Variants in PLXDC1 observed in about 807,000 individuals in gnomAD.
PLXDC1 encodes the protein plexin domain-containing protein 1.
In PLXDC1, 39 loss-of-function variants were observed where a neutral mutation model predicts 61.3. The ratio of observed to expected loss-of-function variants is 0.64; its 90% confidence interval spans 0.49 to 0.83. PLXDC1 has a LOEUF of 0.83. PLXDC1 is among the 40% of genes least tolerant of loss of function. PLXDC1 has a pLI of 0.00. For missense variants in PLXDC1, 596 were observed against 666.5 expected (o/e 0.89, Z 1.17); for synonymous variants, 212 against 254.5 (o/e 0.83, Z 1.59).
chr17:39,108,890 C>G lies in PLXDC1; in HGVS notation c.469+14G>C. 1.2e-6 allele frequency: 2 copies of G among 1,605,996 alleles called. No homozygotes were observed. Among genetic ancestry groups the G allele is most frequent in the Non-Finnish European group, 1.7e-6 (2 of 1,173,570 alleles). ...TCTCCAGACTCTCCCCGGGGCCCCA[C>G]GACGTGGCCTTACCTCCAGTTGCTA... On this transcript the variant is annotated intron_variant, in intron 4 of 13. Transcript: ENST00000315392.
At chr17:39,088,995 AAG>A (rs1909852877) in intron 7 of PLXDC1, among the ~76,000 whole-genome samples, 1 of 142,396 alleles carries the variant, frequency 7.0e-6, no homozygotes, top group South Asian at 2.3e-4. Flanking sequence ...GAAAGAAAGA[AAG>A]AGAAAAAGAA....
rs2143297945 is a variant in PLXDC1, at chr17:39,075,729, G to A, written c.1186+2184C>T. On this transcript the variant is annotated intron_variant, in intron 11 of 13. Coordinates refer to ENST00000315392, the MANE Select transcript of PLXDC1 (RefSeq NM_020405.5). ...CATTCTCCTCCACAACCTCCCCCCA[G>A]CCAGGTCCATGGGTCACTGACTTTG... 2.6e-5 allele frequency among the ~76,000 whole-genome samples: 4 copies of A among 152,284 alleles called. No homozygotes were observed. The South Asian group carries it at 8.3e-4, about 32-fold the overall frequency.
chr17:39,108,895 T>A lies in PLXDC1; in HGVS notation c.469+9A>T. 6.2e-7 allele frequency: 1 copy of A among 1,609,452 alleles called. No individual in the cohort carries two copies. The highest frequency in any genetic ancestry group is 8.5e-7 in the Non-Finnish European group (1 of 1,176,384). ...AGACTCTCCCCGGGGCCCCACGACG[T>A]GGCCTTACCTCCAGTTGCTATGGTG... On this transcript the variant is annotated intron_variant, in intron 4 of 13. Coordinates refer to ENST00000315392, the MANE Select transcript of PLXDC1 (RefSeq NM_020405.5).
chr17:39,107,213 A>C (rs1258822216), intron 6 of PLXDC1, among the ~76,000 whole-genome samples, 194 bp downstream of exon 6: 1 of 152,096 alleles, frequency 6.6e-6, no homozygotes, highest in Non-Finnish European at 1.5e-5. Flanking sequence ...GTGATTCTAC[A>C]TTTGTCCCTG....
In PLXDC1 at chr17:39,106,647, TC is replaced by T. The variant is rs1458905447; in HGVS notation, c.712-695del. ...TGCCTTCTTTTTTCTTTTTTCTTTT[TC>T]TTTCTTTTTTTTTTTTTTTGAGACA... On this transcript the variant is annotated intron_variant, in intron 6 of 13. Coordinates refer to ENST00000315392, the MANE Select transcript of PLXDC1 (RefSeq NM_020405.5). 3.9e-5 allele frequency among the ~76,000 whole-genome samples: 5 copies of T among 128,734 alleles called. No homozygotes were observed. In the East Asian group the frequency reaches 8.4e-4, roughly 22 times the overall value. 84.5% of individuals were successfully genotyped at this position (128,734 alleles called of 152,430 possible). A position where few individuals can be genotyped will look rare whatever the true frequency, so the allele number is the denominator to read the frequency against.
At chr17:39,069,011 C>T (rs936012742) in intron 13 of PLXDC1, among the ~76,000 whole-genome samples, 1 of 152,244 alleles carries the variant, frequency 6.6e-6, no homozygotes, top group Non-Finnish European at 1.5e-5. Flanking sequence ...TGCTGCCCCT[C>T]AGGCTGGCTC....
chr17:39,093,223 C>T (rs1910021183), intron 7 of PLXDC1, among the ~76,000 whole-genome samples: 1 of 151,994 alleles, frequency 6.6e-6, no homozygotes, highest in Non-Finnish European at 1.5e-5. Flanking sequence ...ACCAAAGGCT[C>T]ATGCCCTGGT....
chr17:39,133,447 C>T (rs1184772483), intron 2 of PLXDC1, among the ~76,000 whole-genome samples: 3 of 152,150 alleles, frequency 2.0e-5, no homozygotes, highest in Admixed American at 2.0e-4. Context: ...GGGACAATCA[C>T]ACCAGGCAGA....
At chr17:39,084,352 T>C (rs965870320) in intron 8 of PLXDC1, among the ~76,000 whole-genome samples, 3 of 152,216 alleles carry the variant, frequency 2.0e-5, no homozygotes, top group Non-Finnish European at 4.4e-5. Context: ...ACAAAAAATC[T>C]AAGGGAACTG....
chr17:39,089,946 C>T (rs1909886461), intron 7 of PLXDC1, among the ~76,000 whole-genome samples: 1 of 152,058 alleles, frequency 6.6e-6, no homozygotes, highest in Non-Finnish European at 1.5e-5. Context: ...TACAGGTGCC[C>T]ACCACCACAC....
intron 7 of PLXDC1, among the ~76,000 whole-genome samples, chr17:39,100,287 G>A (rs1455981498): frequency 6.6e-6 from 1 of 152,074 alleles, no homozygotes; most frequent in Non-Finnish European, 1.5e-5. Context: ...CAGTGAAATC[G>A]TGAGTGAGTG....
Position 39,070,001 on chromosome 17 carries a change from A to G in PLXDC1, c.1238T>C (p.Leu413Pro), listed in dbSNP as rs1567751807. The change falls in exon 13 of 14, where the codon CTG (leucine) becomes CCG (proline). Residue 413 changes from leucine to proline, a missense_variant. Coordinates refer to ENST00000315392, the MANE Select transcript of PLXDC1 (RefSeq NM_020405.5). Reference sequence around the variant, plus strand: ...AGGAGTGCCCTTTGTCTTGGGGGACAGGTTGTTCTGAAGGCCTGTGGAGAG... The same window carrying G: ...AGGAGTGCCCTTTGTCTTGGGGGACGGGTTGTTCTGAAGGCCTGTGGAGAG... ...YAGGDGLQNN[L>P]SPKTKGTPVH... is the part of the protein sequence containing the mutation. 5 of 1,613,922 alleles carry G rather than the reference A, an allele frequency of 3.1e-6. No homozygotes were observed. The highest frequency in any genetic ancestry group is 1.7e-4 in the Middle Eastern group (1 of 6,058).
rs556537273 is a variant in PLXDC1, at chr17:39,067,653, T to G, written c.*187A>C. 3.7e-6 allele frequency: 2 copies of G among 541,466 alleles called. No homozygotes were observed. The highest frequency in any genetic ancestry group is 3.7e-5 in the African/African-American group (2 of 53,560). The allele number at this position is 541,466 out of a possible 1,614,324, so 33.5% of individuals were successfully genotyped here. On this transcript the variant is annotated 3_prime_UTR_variant, in exon 14 of 14. Transcript: ENST00000315392. The stretch of plus-strand genomic sequence containing the variant: ...TGTTCCTATAAAAAATCCATGTGGT[T>G]GTTTTTTGGCCCCCTCTTCAATATT...
chr17:39,072,411 G>A lies in PLXDC1; in HGVS notation c.1222+39C>T, dbSNP rs573611122. 106 of 1,484,202 alleles carry A rather than the reference G, an allele frequency of 7.1e-5. 1 individual carries two copies. Among genetic ancestry groups the A allele is most frequent in the Admixed American group, 3.9e-4 (20 of 51,000 alleles). The allele number at this position is 1,484,202 out of a possible 1,614,324, so 91.9% of individuals were successfully genotyped here. A position where few individuals can be genotyped will look rare whatever the true frequency, so the allele number is the denominator to read the frequency against. ...CTCTTCTGGGGTGGGTCCAAGAGGC[G>A]CTGGGTCTGACGCTGAGGGCAGGCA... On this transcript the variant is annotated intron_variant, in intron 12 of 13. Transcript: ENST00000315392.
intron 2 of PLXDC1, 31 bp downstream of exon 2, chr17:39,139,623 C>G: frequency 6.7e-7 from 1 of 1,494,662 alleles, no homozygotes; most frequent in South Asian, 1.2e-5. Flanking sequence ...ACCCCCACTT[C>G]GCTCCCCCTC....
chr17:39,123,619 G>A (rs1410906295), intron 2 of PLXDC1, among the ~76,000 whole-genome samples: 2 of 152,170 alleles, frequency 1.3e-5, no homozygotes, highest in Non-Finnish European at 2.9e-5. Flanking sequence ...ATTTGTTTGG[G>A]CCTTTCCAGG....
chr17:39,151,957 G>A (rs1455519161), upstream of PLXDC1, among the ~76,000 whole-genome samples: 1 of 152,084 alleles, frequency 6.6e-6, no homozygotes, highest in Non-Finnish European at 1.5e-5. The surrounding 1 kb of genome is among the most constrained non-coding windows in gnomAD (Gnocchi z 5.2). Context: ...CCCCTGGAAG[G>A]GACAGGCGCC....
rs1168030874 is a variant in PLXDC1 at position 39,108,228 on chromosome 17, C to G, written c.487G>C (p.Asp163His). 6.2e-7 allele frequency: 1 copy of G among 1,613,934 alleles called. No individual in the cohort carries two copies. Among genetic ancestry groups the G allele is most frequent in the Non-Finnish European group, 8.5e-7 (1 of 1,180,014 alleles). The change falls in exon 5 of 14, where the codon GAC (aspartate) becomes CAC (histidine). Residue 163 changes from aspartate to histidine, a missense_variant. Physicochemically the swap from Asp to His is moderately conservative, Grantham distance 81 (BLOSUM62 -1). Coordinates refer to ENST00000315392, the MANE Select transcript of PLXDC1 (RefSeq NM_020405.5). The stretch of plus-strand genomic sequence containing the variant: ...GCTGTGAGCATCCGATGGATCACGT[C>G]CCCCATGAAGATGAAGCCTAGGGTG... ...IATGGFIFMG[D>H]VIHRMLTATQ...
chr17:39,068,547 C>T (rs1167916819), intron 13 of PLXDC1, among the ~76,000 whole-genome samples: 2 of 152,168 alleles, frequency 1.3e-5, no homozygotes, highest in Non-Finnish European at 1.5e-5. Context: ...TGTGGTGGCA[C>T]GTGCCTGTAG....
Sources: allele counts gnomAD v4.1 joint callset (sites outside exome capture counted in the v4.1 genomes callset), GRCh38; gene constraint gnomAD v4.1.1; non-coding constraint Gnocchi (gnomAD v3.1); transcripts MANE v1.5; gene names NCBI Gene and HGNC (gene_info 2026-07-23, HGNC 2026-07-21).